Variants in EXOC6B observed in about 807,000 individuals in gnomAD.
EXOC6B encodes exocyst complex component 6B.
In EXOC6B, 54 loss-of-function variants were observed where a neutral mutation model predicts 113.5. The observed-to-expected ratio is 0.48, with a 90% CI of 0.38 to 0.60. The LOEUF (loss-of-function observed/expected upper bound fraction) is 0.60. Among genes scored for constraint, EXOC6B ranks in the 20% least tolerant of loss-of-function variants. EXOC6B has a pLI of 0.00. For missense variants in EXOC6B, 797 were observed against 977.5 expected (o/e 0.82, Z 2.46); for synonymous variants, 357 against 339.0 (o/e 1.05, Z -0.58).
At chr2:72,350,195 T>A (rs1689574407) in intron 19 of EXOC6B, among the ~76,000 whole-genome samples, 1 of 152,186 alleles carries the variant, frequency 6.6e-6, no homozygotes. Context: ...ATATATTATA[T>A]TAAAACAGTC....
intron 1 of EXOC6B, among the ~76,000 whole-genome samples, chr2:72,815,076 T>C (rs1474586765): frequency 6.6e-6 from 1 of 152,204 alleles, no homozygotes; most frequent in East Asian, 1.9e-4. Flanking sequence ...GAAACTTTCG[T>C]TTCTTAAAAA....
chr2:72,553,553 T>C (rs1358905537), intron 8 of EXOC6B, among the ~76,000 whole-genome samples: 2 of 151,980 alleles, frequency 1.3e-5, no homozygotes, highest in East Asian at 3.8e-4. Flanking sequence ...TGATATATTA[T>C]AAAATATAAC....
At chr2:72,379,646 C>T (rs1406996327) in intron 19 of EXOC6B, 83 bp downstream of exon 19, 4 of 1,433,190 alleles carry the variant, frequency 2.8e-6, no homozygotes, top group East Asian at 4.8e-5. Flanking sequence ...AACAAGGACC[C>T]TAAACACCTA....
At chr2:72,342,749 G>C (rs1221096895) in intron 19 of EXOC6B, among the ~76,000 whole-genome samples, 2 of 151,860 alleles carry the variant, frequency 1.3e-5, no homozygotes, top group African/African-American at 4.8e-5. Flanking sequence ...AATATAGAGA[G>C]ATACTGTGTC....
At chr2:72,679,307 A>T (rs1030366017) in intron 6 of EXOC6B, among the ~76,000 whole-genome samples, 4 of 152,062 alleles carry the variant, frequency 2.6e-5, no homozygotes, top group African/African-American at 7.2e-5. Context: ...ACCTCAAGTG[A>T]TCCACTCGCC....
At chr2:72,713,006 T>C (rs1679369412) in intron 6 of EXOC6B, among the ~76,000 whole-genome samples, 1 of 152,240 alleles carries the variant, frequency 6.6e-6, no homozygotes, top group Non-Finnish European at 1.5e-5. Flanking sequence ...TTTTTGTGTT[T>C]TATCTTTTAA....
At chr2:72,329,056 GACA>G (rs1688290003) in intron 20 of EXOC6B, among the ~76,000 whole-genome samples, 1 of 152,040 alleles carries the variant, frequency 6.6e-6, no homozygotes, top group Non-Finnish European at 1.5e-5. Flanking sequence ...TATCTCTACT[GACA>G]ACATTACTGG....
intron 6 of EXOC6B, among the ~76,000 whole-genome samples, chr2:72,609,318 G>A (rs1212616031): frequency 2.0e-5 from 3 of 152,054 alleles, no homozygotes; most frequent in South Asian, 2.1e-4. Context: ...CTGTAAATGT[G>A]TAAAGAATGT....
intron 20 of EXOC6B, among the ~76,000 whole-genome samples, chr2:72,188,705 T>C (rs1678609597): frequency 6.6e-6 from 1 of 152,242 alleles, no homozygotes; most frequent in Non-Finnish European, 1.5e-5. Context: ...TAGATTGCTA[T>C]AAATTCTCCT....
intron 18 of EXOC6B, among the ~76,000 whole-genome samples, chr2:72,412,539 C>G (rs972688743): frequency 8.5e-5 from 13 of 152,138 alleles, no homozygotes; most frequent in Non-Finnish European, 1.8e-4. Flanking sequence ...ATGTCTGGAA[C>G]CTAACACAAA....
chr2:72,433,497 A>C (rs2105306302), intron 18 of EXOC6B, among the ~76,000 whole-genome samples: 1 of 152,330 alleles, frequency 6.6e-6, no homozygotes, highest in South Asian at 2.1e-4. Context: ...TACTTGGGAC[A>C]GTATGGCCAT....
intron 7 of EXOC6B, among the ~76,000 whole-genome samples, chr2:72,567,345 G>A (rs1704242534): frequency 6.6e-6 from 1 of 151,960 alleles, no homozygotes. Flanking sequence ...AGTGACATTT[G>A]CATAATTCTG....
intron 18 of EXOC6B, among the ~76,000 whole-genome samples, chr2:72,404,452 A>AC (rs1297451415): frequency 2.0e-5 from 3 of 152,020 alleles, no homozygotes; most frequent in Admixed American, 1.3e-4. Context: ...ACTGGAAGGC[A>AC]CCCCCCAGTA....
intron 6 of EXOC6B, among the ~76,000 whole-genome samples, chr2:72,615,299 T>C (rs981553325): frequency 1.3e-5 from 2 of 152,118 alleles, no homozygotes; most frequent in Non-Finnish European, 2.9e-5. Context: ...TATGCAACTT[T>C]CAGGTCATGA....
At chr2:72,556,137 C>A (rs144818658) in intron 8 of EXOC6B, among the ~76,000 whole-genome samples, 2 of 152,286 alleles carry the variant, frequency 1.3e-5, no homozygotes, top group African/African-American at 4.8e-5. Context: ...GTCGAGGCAA[C>A]AGATTTTTGA....
rs571850447 is a variant in EXOC6B at position 72,504,531 on chromosome 2, C to A, written c.1168-4559G>T. 3.9e-4 allele frequency among the ~76,000 whole-genome samples: 59 copies of A among 152,218 alleles called. 1 individual carries two copies. Among genetic ancestry groups the A allele is most frequent in the African/African-American group, 1.3e-3 (55 of 41,532 alleles). ...TAGTATCCAATGTTTGAGTTTAACC[C>A]AGATTATCTATTTTACTACTGATGG... On this transcript the variant is annotated intron_variant, in intron 11 of 21. Transcript: ENST00000272427.
intron 2 of EXOC6B, among the ~76,000 whole-genome samples, chr2:72,734,480 T>C (rs1477635257): frequency 1.3e-5 from 2 of 152,192 alleles, no homozygotes; most frequent in Non-Finnish European, 2.9e-5. Context: ...TCTGTTTCCA[T>C]AAAGGGCTAG....
intron 21 of EXOC6B, chr2:72,183,002 G>A (rs1678189041): frequency 1.3e-6 from 1 of 784,310 alleles, no homozygotes; most frequent in Admixed American, 4.3e-5. Context: ...TGCAGTCTGA[G>A]TTTTTAGTCT....
At chr2:72,184,323 C>A (rs1678282024) in intron 20 of EXOC6B, 136 bp from the exon 21 acceptor site, 2 of 552,064 alleles carry the variant, frequency 3.6e-6, no homozygotes, top group Non-Finnish European at 6.5e-6. Flanking sequence ...AGAAAAAGAA[C>A]AGCTGCAGAC....
Sources: allele counts gnomAD v4.1 joint callset (sites outside exome capture counted in the v4.1 genomes callset), GRCh38; gene constraint gnomAD v4.1.1; transcripts MANE v1.5; gene names NCBI Gene and HGNC (gene_info 2026-07-23, HGNC 2026-07-21).